The following RCBTB2 variants were observed in gnomAD, a reference collection of about 807,000 sequenced individuals.
RCBTB2 encodes the protein RCC1 and BTB domain containing protein 2, also known as RCC1 and BTB domain-containing protein 2.
A neutral mutation model predicts 65.4 loss-of-function variants in RCBTB2; 55 were observed. The observed-to-expected ratio is 0.84, with a 90% confidence interval of 0.68 to 1.05. The LOEUF is 1.05. Ranked by LOEUF, RCBTB2 falls within the 50% of genes least tolerant of loss-of-function variation. RCBTB2 has a pLI of 0.00. For missense variants in RCBTB2, 599 were observed against 680.1 expected (o/e 0.88, Z 1.33); for synonymous variants, 220 against 255.2 (o/e 0.86, Z 1.31).
intron 1 of RCBTB2, among the ~76,000 whole-genome samples, chr13:48,527,361 T>TATATGATA: frequency 2.8e-4 from 31 of 112,368 alleles, no homozygotes; most frequent in African/African-American, 1.4e-3. Flanking sequence ...TGATATATAT[T>TATATGATA]TATATATGAT....
chr13:48,532,920 G>C (rs1952253814), intron 1 of RCBTB2, 108 bp downstream of exon 1: 3 of 448,380 alleles, frequency 6.7e-6, no homozygotes, highest in Non-Finnish European at 1.3e-5. Flanking sequence ...CGGGGAGGTC[G>C]GGCCGCAGGG....
intron 1 of RCBTB2, among the ~76,000 whole-genome samples, chr13:48,531,810 A>G (rs1566348083): frequency 6.6e-6 from 1 of 152,214 alleles, no homozygotes; most frequent in Non-Finnish European, 1.5e-5. Flanking sequence ...AGCACATCAT[A>G]TAAGATTACA....
At chr13:48,499,928 G>A (rs550254253) in intron 12 of RCBTB2, among the ~76,000 whole-genome samples, 168 bp from the exon 13 acceptor site, 2 of 152,034 alleles carry the variant, frequency 1.3e-5, no homozygotes, top group East Asian at 3.9e-4. Context: ...CAGCAAGGCT[G>A]TATATACAAA....
intron 1 of RCBTB2, chr13:48,531,985 G>A (rs556223220): frequency 1.3e-5 from 2 of 152,338 alleles, no homozygotes; most frequent in Admixed American, 1.3e-4. Context: ...ACAGTGTCTG[G>A]GGGAAAGAGC....
intron 7 of RCBTB2, 27 bp downstream of exon 7, chr13:48,512,702 A>T: frequency 1.3e-6 from 2 of 1,597,782 alleles, no homozygotes; most frequent in South Asian, 2.2e-5. Context: ...GAAAAAAATC[A>T]ATGAGCTTTA....
Position 48,503,058 on chromosome 13 carries a change from C to T in RCBTB2, c.927-144G>A, listed in dbSNP as rs1219926689. On this transcript the variant is annotated intron_variant, in intron 10 of 14. Transcript: ENST00000344532. ...AAGGAAAAAACAAAACAAAACAAAC[C>T]ACCACATGACTCATACACCTCATCT... 46 of 832,130 alleles carry T rather than the reference C, an allele frequency of 5.5e-5. No individual in the cohort carries two copies. The South Asian group carries it at 8.2e-4, about 15-fold the overall frequency. 51.5% of individuals were successfully genotyped at this position (832,130 alleles called of 1,614,324 possible).
chr13:48,521,510 C>T (rs1044976925), intron 4 of RCBTB2, among the ~76,000 whole-genome samples: 1 of 152,106 alleles, frequency 6.6e-6, no homozygotes, highest in African/African-American at 2.4e-5. Flanking sequence ...TAAAGAATGT[C>T]TATGATGAAT....
intron 14 of RCBTB2, among the ~76,000 whole-genome samples, chr13:48,494,392 G>C (rs148945272): frequency 1.3e-5 from 2 of 152,190 alleles, no homozygotes; most frequent in East Asian, 3.9e-4. Context: ...TACTAATTTA[G>C]GGTACAGCAA....
rs1288227047 is a variant in RCBTB2 at position 48,501,791 on chromosome 13, G to C, written c.1195C>G (p.Leu399Val). 1 of 1,613,140 alleles carries C rather than the reference G, an allele frequency of 6.2e-7. No homozygotes were observed. The highest frequency in any genetic ancestry group is 2.2e-5 in the East Asian group (1 of 44,878). ...DNPDTADLKFLVDGKYIYAHK... is the reference protein window; with the variant it reads ...DNPDTADLKFVVDGKYIYAHK... The stretch of plus-strand genomic sequence containing the variant: ...GCATAAATGTACTTTCCATCAACTA[G>C]AAACTTCAGGTCTGCAGTGTCCGGG... Residue 399 changes from leucine to valine, a missense_variant, in exon 12 of 15, where the codon CTA becomes GTA. By Grantham distance (32) the Leu-to-Val change is conservative. Transcript: ENST00000344532.
upstream of RCBTB2, among the ~76,000 whole-genome samples, chr13:48,534,585 A>T (rs1369591272): frequency 6.6e-6 from 1 of 152,218 alleles, no homozygotes; most frequent in Non-Finnish European, 1.5e-5. Flanking sequence ...AACAATAAAA[A>T]CATGTCTTAG....
Position 48,515,702 on chromosome 13 carries a change from C to T in RCBTB2, c.82G>A (p.Val28Met), listed in dbSNP as rs750492268. 5 of 1,613,506 alleles carry T rather than the reference C, an allele frequency of 3.1e-6. No individual in the cohort carries two copies. The East Asian group carries it at 6.7e-5, about 22-fold the overall frequency. Residue 28 changes from valine to methionine, a missense_variant, in exon 5 of 15, where the codon GTG becomes ATG. Physicochemically the swap from Val to Met is conservative, Grantham distance 21 (BLOSUM62 1). Transcript: ENST00000344532. ...ATLSSLKMLD[V>M]GKWPIFSLCS... ...AGGGAAAAAATTGGCCACTTTCCCACATCTAACATCTTCAAAGATGACAGA... is the reference window on the plus strand; with the variant it reads ...AGGGAAAAAATTGGCCACTTTCCCATATCTAACATCTTCAAAGATGACAGA...
rs147883543 is a variant in RCBTB2, at chr13:48,532,808, C to T, written c.-219+220G>A. On this transcript the variant is annotated intron_variant, in intron 1 of 14. Transcript: ENST00000344532. ...CCTGGGCTGGGTGTAGCCCCGGAAC[C>T]TAGCTCTTAACTCCCGCCAGCAGTT... The T allele has an allele frequency of 9.2e-4, 310 of 335,820 alleles. 2 individuals carry two copies. The highest frequency in any genetic ancestry group is 6.4e-3 in the African/African-American group (282 of 44,176). 20.8% of individuals were successfully genotyped at this position (335,820 alleles called of 1,614,324 possible).
chr13:48,492,118 C>T (rs1949723613), intron 14 of RCBTB2, among the ~76,000 whole-genome samples: 1 of 152,200 alleles, frequency 6.6e-6, no homozygotes. Context: ...TCTCCCCTCT[C>T]ATCCTCATCC....
chr13:48,508,038 A>C (rs1950589754), intron 10 of RCBTB2, among the ~76,000 whole-genome samples: 1 of 152,238 alleles, frequency 6.6e-6, no homozygotes, highest in African/African-American at 2.4e-5. Context: ...TGGTTGCTCC[A>C]GCAAAGAAAA....
At chr13:48,506,206 T>C (rs1950495839) in intron 10 of RCBTB2, among the ~76,000 whole-genome samples, 1 of 152,178 alleles carries the variant, frequency 6.6e-6, no homozygotes, top group African/African-American at 2.4e-5. Flanking sequence ...GAGAGCAGCA[T>C]CGTACAAGAC....
intron 14 of RCBTB2, among the ~76,000 whole-genome samples, chr13:48,492,986 T>C (rs894529871): frequency 3.3e-5 from 5 of 152,146 alleles, no homozygotes; most frequent in Admixed American, 6.5e-5. Context: ...TCCCCCAAAA[T>C]GTTGCTCCTA....
intron 14 of RCBTB2, among the ~76,000 whole-genome samples, chr13:48,493,062 C>T (rs1949767719): frequency 6.6e-6 from 1 of 152,130 alleles, no homozygotes; most frequent in African/African-American, 2.4e-5. Context: ...CCTCCTCAGT[C>T]GTCTTTTTTT....
intron 14 of RCBTB2, among the ~76,000 whole-genome samples, chr13:48,493,510 G>A (rs1176847621): frequency 3.3e-5 from 5 of 151,604 alleles, no homozygotes; most frequent in Non-Finnish European, 7.4e-5. Context: ...CTTGCCTATG[G>A]ACTCTGCAGG....
intron 10 of RCBTB2, among the ~76,000 whole-genome samples, chr13:48,505,500 G>A (rs1013077455): frequency 1.3e-5 from 2 of 152,212 alleles, no homozygotes; most frequent in African/African-American, 4.8e-5. Flanking sequence ...ACAATATTTG[G>A]CTTCTCAATC....
Sources: gnomAD v4.1 joint callset for allele counts (sites outside exome capture counted in the v4.1 genomes callset) on GRCh38, gnomAD v4.1.1 for gene constraint, MANE v1.5 for transcripts, NCBI Gene and HGNC (gene_info 2026-07-23, HGNC 2026-07-21) for gene names.